Variants in TSPAN15 observed in about 807,000 individuals in gnomAD.
TSPAN15 encodes tetraspanin-15.
TSPAN15 carries 20 observed loss-of-function variants against 34.5 expected under a neutral mutation model. The ratio of observed to expected loss-of-function variants is 0.58; its 90% CI spans 0.41 to 0.84. TSPAN15 has a LOEUF of 0.84. Ranked by LOEUF, TSPAN15 falls within the 40% of genes least tolerant of loss-of-function variation. The probability of loss-of-function intolerance (pLI) is 0.00; values close to 1 mark genes in which losing one functional copy is unlikely to be tolerated. For missense variants in TSPAN15, 313 were observed against 386.1 expected (o/e 0.81, Z 1.59); for synonymous variants, 155 against 153.9 (o/e 1.01, Z -0.05).
At position 69,483,695 on chromosome 10, in the gene TSPAN15, T is replaced by C. The variant is rs760386743; in HGVS notation, c.101T>C (p.Ile34Thr). The C allele has an allele frequency of 2.0e-5, 33 of 1,613,076 alleles. No homozygotes were observed. The highest frequency in any genetic ancestry group is 1.3e-4 in the Admixed American group (8 of 59,948). The change falls in exon 2 of 8, where the codon ATT becomes ACT. Residue 34 changes from isoleucine (I) to threonine (T), a missense_variant. By Grantham distance (89) the Ile-to-Thr change is moderately conservative. Coordinates refer to ENST00000373290, the MANE Select transcript of TSPAN15 (RefSeq NM_012339.5). ...LIIYSTVFWL[I>T]GALVLSVGIY... Reference sequence around the variant, plus strand: ...CCCTCTGTTTTCTTGCTGCAGCTGATTGGGGCCCTGGTCCTGTCTGTGGGC... The same window carrying C: ...CCCTCTGTTTTCTTGCTGCAGCTGACTGGGGCCCTGGTCCTGTCTGTGGGC...
At chr10:69,466,028 T>C (rs1214547394) in intron 1 of TSPAN15, among the ~76,000 whole-genome samples, 2 of 152,114 alleles carry the variant, frequency 1.3e-5, no homozygotes, top group African/African-American at 4.8e-5. Context: ...TGCCACCTTG[T>C]GTGGGGATAG....
chr10:69,487,624 G>C (rs1158730328), intron 3 of TSPAN15, among the ~76,000 whole-genome samples: 2 of 152,218 alleles, frequency 1.3e-5, no homozygotes, highest in African/African-American at 4.8e-5. Context: ...ATCCTCCAAT[G>C]ATGGGCAGCA....
At chr10:69,488,428 A>G (rs1446061654) in intron 3 of TSPAN15, among the ~76,000 whole-genome samples, 2 of 152,174 alleles carry the variant, frequency 1.3e-5, no homozygotes, top group Non-Finnish European at 2.9e-5. Context: ...CTGAGCCACA[A>G]TGTAACAAGT....
At chr10:69,543,138 T>C in the TSPAN15 span, among the ~76,000 whole-genome samples, 3 of 152,330 alleles carry the variant, frequency 2.0e-5, no homozygotes, top group East Asian at 5.8e-4. Context: ...GGAAGATGTC[T>C]GAATACTAGA....
chr10:69,520,560 G>A, the TSPAN15 span, among the ~76,000 whole-genome samples: 19 of 152,306 alleles, frequency 1.2e-4, no homozygotes, highest in African/African-American at 4.3e-4. Flanking sequence ...GGAGGCTGAG[G>A]TGGGAGGATC....
At chr10:69,474,659 C>T (rs554533714) in intron 1 of TSPAN15, among the ~76,000 whole-genome samples, 19 of 152,216 alleles carry the variant, frequency 1.2e-4, no homozygotes, top group African/African-American at 4.6e-4. Context: ...TACTTTGACA[C>T]AGGAATATAC....
At chr10:69,513,284 A>T in the TSPAN15 span, among the ~76,000 whole-genome samples, 1 of 152,154 alleles carries the variant, frequency 6.6e-6, no homozygotes, top group African/African-American at 2.4e-5. Context: ...TGTATTATTG[A>T]ATTTTGACAA....
intron 5 of TSPAN15, among the ~76,000 whole-genome samples, chr10:69,502,336 T>C (rs1489849871): frequency 6.6e-6 from 1 of 152,246 alleles, no homozygotes; most frequent in Non-Finnish European, 1.5e-5. Flanking sequence ...TCCAGACTGC[T>C]GTGCCTGCTG....
At chr10:69,514,187 C>G in the TSPAN15 span, among the ~76,000 whole-genome samples, 1 of 152,228 alleles carries the variant, frequency 6.6e-6, no homozygotes, top group Non-Finnish European at 1.5e-5. Context: ...TTCATTTTCA[C>G]ATGCTGAATT....
intron 3 of TSPAN15, among the ~76,000 whole-genome samples, chr10:69,490,820 CA>C (rs1841952557): frequency 6.6e-6 from 1 of 152,224 alleles, no homozygotes; most frequent in Non-Finnish European, 1.5e-5. Context: ...TAGTTTGTAT[CA>C]TTTTTTACTG....
chr10:69,458,645 G>C (rs1841168699), intron 1 of TSPAN15, among the ~76,000 whole-genome samples: 1 of 152,110 alleles, frequency 6.6e-6, no homozygotes, highest in African/African-American at 2.4e-5. Flanking sequence ...ACTGGGCTCA[G>C]GCCTCGGGCA....
the TSPAN15 span, among the ~76,000 whole-genome samples, chr10:69,538,382 A>G: frequency 1.3e-5 from 2 of 152,208 alleles, no homozygotes; most frequent in African/African-American, 4.8e-5. Flanking sequence ...CACCTCTGAT[A>G]TACAAAGGGC....
chr10:69,548,596 G>C, the TSPAN15 span, among the ~76,000 whole-genome samples: 1 of 152,232 alleles, frequency 6.6e-6, no homozygotes, highest in Admixed American at 6.5e-5. Flanking sequence ...AACCCAAAGA[G>C]AGCCTGGTGG....
intron 1 of TSPAN15, among the ~76,000 whole-genome samples, chr10:69,455,547 T>TTC (rs1165587609): frequency 1.5e-5 from 2 of 130,362 alleles, no homozygotes; most frequent in East Asian, 2.2e-4. Flanking sequence ...TCTTTCTTTC[T>TTC]TCTCTCTCTC....
At chr10:69,464,934 G>C (rs752012070) in intron 1 of TSPAN15, among the ~76,000 whole-genome samples, 4 of 152,334 alleles carry the variant, frequency 2.6e-5, no homozygotes, top group Admixed American at 6.5e-5. Context: ...CACAGAGAAG[G>C]GAAGAATGTT....
intron 1 of TSPAN15, among the ~76,000 whole-genome samples, chr10:69,475,630 A>G (rs933921784): frequency 1.3e-5 from 2 of 152,158 alleles, no homozygotes; most frequent in African/African-American, 2.4e-5. Flanking sequence ...TGGGGTTTGC[A>G]AAACTCCCAG....
At chr10:69,539,429 G>A in the TSPAN15 span, among the ~76,000 whole-genome samples, 1,832 of 128,920 alleles carry the variant, frequency 0.014, 125 homozygotes, top group African/African-American at 0.055. Context: ...GAAGAAGAAA[G>A]AAGAAGAAGA....
intron 3 of TSPAN15, among the ~76,000 whole-genome samples, chr10:69,485,454 A>C (rs2133116383): frequency 6.6e-6 from 1 of 152,322 alleles, no homozygotes; most frequent in Middle Eastern, 3.4e-3. Context: ...AAAAGGAGCC[A>C]GCTGAGTGAG....
At chr10:69,510,443 T>C (rs1046519781), downstream of TSPAN15, among the ~76,000 whole-genome samples, 2 of 152,266 alleles carry the variant, frequency 1.3e-5, no homozygotes, top group African/African-American at 2.4e-5. Flanking sequence ...GAGACTTTGC[T>C]GAAGTTGCTT....
Sources: gnomAD v4.1 joint callset for allele counts (sites outside exome capture counted in the v4.1 genomes callset) on GRCh38, gnomAD v4.1.1 for gene constraint, MANE v1.5 for transcripts, NCBI Gene and HGNC (gene_info 2026-07-23, HGNC 2026-07-21) for gene names.